The following CLVS1 variants were observed in gnomAD, a reference collection of about 807,000 sequenced individuals.
CLVS1 encodes clavesin 1.
In CLVS1, 10 loss-of-function variants were observed where a neutral mutation model predicts 33.1. The observed-to-expected ratio is 0.30, with a 90% CI of 0.19 to 0.51. The LOEUF is 0.51. Among genes scored for constraint, CLVS1 ranks in the 20% least tolerant of loss-of-function variants. CLVS1 has a pLI of 0.97. For missense variants in CLVS1, 343 were observed against 433.4 expected (o/e 0.79, Z 1.85); for synonymous variants, 163 against 166.1 (o/e 0.98, Z 0.14).
At position 61,327,497 on chromosome 8, in the gene CLVS1, C is replaced by T. The variant is rs553993372; in HGVS notation, c.455+27215C>T. 2.2e-4 allele frequency among the ~76,000 whole-genome samples: 33 copies of T among 152,258 alleles called. No individual in the cohort carries two copies. The South Asian group carries it at 6.4e-3, about 30-fold the overall frequency. On this transcript the variant is annotated intron_variant, in intron 2 of 5. Transcript: ENST00000325897. ...AACGTCTACATATTATCTACTTTCC[C>T]GTCACTAGTTCAGATCATTACATTT...
chr8:61,408,434 C>A (rs578182070), intron 3 of CLVS1, among the ~76,000 whole-genome samples: 16 of 152,286 alleles, frequency 1.1e-4, no homozygotes, highest in African/African-American at 3.9e-4. Context: ...CCCCTAGCTG[C>A]CCAACTCACC....
the CLVS1 span, among the ~76,000 whole-genome samples, chr8:61,007,769 C>A: frequency 6.6e-6 from 1 of 152,138 alleles, no homozygotes; most frequent in Non-Finnish European, 1.5e-5. Context: ...GACACAGTGG[C>A]CATTTAGTGG....
chr8:61,468,735 A>AAAAAAAG (rs1217287345), intron 5 of CLVS1, among the ~76,000 whole-genome samples: 10,684 of 137,756 alleles, frequency 0.078, 806 homozygotes, highest in African/African-American at 0.26. Context: ...AAAAAAAAAA[A>AAAAAAAG]AAAAGGTAGT....
intron 2 of CLVS1, among the ~76,000 whole-genome samples, chr8:61,220,387 T>C (rs1037142404): frequency 6.6e-6 from 1 of 152,208 alleles, no homozygotes; most frequent in African/African-American, 2.4e-5. Flanking sequence ...AGCTAGCCAA[T>C]TTTCCCAGCA....
intron 1 of CLVS1, among the ~76,000 whole-genome samples, chr8:61,094,643 G>A (rs1296846087): frequency 6.6e-6 from 1 of 152,152 alleles, no homozygotes; most frequent in Admixed American, 6.5e-5. Flanking sequence ...TAAAAATGAA[G>A]TTGTATGAGT....
At chr8:61,053,404 A>C (rs899915186), upstream of CLVS1, among the ~76,000 whole-genome samples, 4 of 152,198 alleles carry the variant, frequency 2.6e-5, no homozygotes, top group Non-Finnish European at 5.9e-5. Flanking sequence ...GAGGAAAACC[A>C]ATGCTGTGTG....
Position 61,199,417 on chromosome 8 carries a change from A to G in CLVS1, c.-152+67557A>G, listed in dbSNP as rs184050459. Among the ~76,000 whole-genome samples the G allele has an allele frequency of 1.3e-3, 203 of 152,356 alleles. 1 individual carries two copies. Among genetic ancestry groups the G allele is most frequent in the Middle Eastern group, 3.4e-3 (1 of 294 alleles). The stretch of plus-strand genomic sequence containing the variant: ...AACTCAAACAAATTAGAAAAAAAAT[A>G]CAAATAATTCCATTAAAAATTGGGC... On this transcript the variant is annotated intron_variant, in intron 2 of 2. Coordinates refer to the CLVS1 transcript ENST00000522621.
In CLVS1 at chr8:61,299,765, C is replaced by T; in HGVS notation, c.-63C>T. 1.0e-5 allele frequency: 13 copies of T among 1,260,874 alleles called. No homozygotes were observed. In the South Asian group the frequency reaches 1.8e-4, roughly 18 times the overall value. 78.1% of individuals were successfully genotyped at this position (1,260,874 alleles called of 1,614,324 possible). On this transcript the variant is annotated 5_prime_UTR_variant, in exon 2 of 6. Transcript: ENST00000325897. ...AAAGAAGACCCTCTATTTGTCTGTTCCGGGGCAGCCTGGTAGTAAAACACT... is the reference window on the plus strand; with the variant it reads ...AAAGAAGACCCTCTATTTGTCTGTTTCGGGGCAGCCTGGTAGTAAAACACT...
At chr8:61,296,981 G>A (rs1486551186) in intron 1 of CLVS1, among the ~76,000 whole-genome samples, 2 of 152,146 alleles carry the variant, frequency 1.3e-5, no homozygotes, top group Non-Finnish European at 2.9e-5. Flanking sequence ...CTGAAGGCCA[G>A]GAAGGGTTTC....
intron 2 of CLVS1, among the ~76,000 whole-genome samples, chr8:61,357,338 A>G (rs1409621451): frequency 6.6e-6 from 1 of 152,052 alleles, no homozygotes; most frequent in Non-Finnish European, 1.5e-5. Flanking sequence ...CTGTACCTAT[A>G]TTGATGCATA....
intron 3 of CLVS1, among the ~76,000 whole-genome samples, chr8:61,381,770 C>T (rs1813889802): frequency 6.6e-6 from 1 of 152,142 alleles, no homozygotes; most frequent in African/African-American, 2.4e-5. Flanking sequence ...GACAGGATTT[C>T]ATTCTTTTTT....
chr8:61,372,192 T>C (rs943273556), intron 2 of CLVS1, among the ~76,000 whole-genome samples: 4 of 151,904 alleles, frequency 2.6e-5, no homozygotes, highest in Admixed American at 6.6e-5. Flanking sequence ...CAAAAAAAAT[T>C]TCCCCCTGAG....
intron 2 of CLVS1, among the ~76,000 whole-genome samples, chr8:61,372,467 G>A (rs146821966): frequency 6.6e-6 from 1 of 152,228 alleles, no homozygotes; most frequent in East Asian, 1.9e-4. Context: ...ACAGTACAGA[G>A]ACTTCCCCTA....
intron 1 of CLVS1, among the ~76,000 whole-genome samples, chr8:61,296,500 T>G (rs1810216770): frequency 6.6e-6 from 1 of 152,234 alleles, no homozygotes; most frequent in Non-Finnish European, 1.5e-5. Flanking sequence ...CCTTGTGCTT[T>G]AAGCACTGTG....
intron 2 of CLVS1, among the ~76,000 whole-genome samples, chr8:61,319,021 A>AT (rs1254874207): frequency 6.6e-6 from 1 of 152,060 alleles, no homozygotes; most frequent in Non-Finnish European, 1.5e-5. Flanking sequence ...AAAATATTCT[A>AT]TTTTTTATCT....
chr8:61,394,214 T>C (rs1453018634), intron 3 of CLVS1, among the ~76,000 whole-genome samples: 1 of 152,048 alleles, frequency 6.6e-6, no homozygotes, highest in Non-Finnish European at 1.5e-5. Context: ...ATGCAGGCGG[T>C]TGTTTTCTCC....
intron 1 of CLVS1, among the ~76,000 whole-genome samples, chr8:61,059,620 G>A (rs2129277585): frequency 6.6e-6 from 1 of 151,080 alleles, no homozygotes; most frequent in African/African-American, 2.4e-5. Flanking sequence ...AGACCAGCCT[G>A]CCAATGTGGT....
At chr8:61,005,059 C>A in the CLVS1 span, among the ~76,000 whole-genome samples, 1 of 152,186 alleles carries the variant, frequency 6.6e-6, no homozygotes, top group African/African-American at 2.4e-5. Flanking sequence ...CTGCTGAGTC[C>A]AGAAGCTGGG....
Position 61,499,734 on chromosome 8 carries a change from G to T in CLVS1, c.*192G>T. On this transcript the variant is annotated 3_prime_UTR_variant, in exon 6 of 6. Coordinates refer to ENST00000325897, the MANE Select transcript of CLVS1 (RefSeq NM_173519.3). Reference sequence around the variant, plus strand: ...AAAGTTGGACAAAGACTTGAGAGATGCTTTTTTTTTCCCCCAGTGAGGGGA... The same window carrying T: ...AAAGTTGGACAAAGACTTGAGAGATTCTTTTTTTTTCCCCCAGTGAGGGGA... 2.4e-6 allele frequency: 1 copy of T among 416,420 alleles called. No homozygotes were observed. The allele number at this position is 416,420 out of a possible 1,614,324, so 25.8% of individuals were successfully genotyped here.
Sources: allele counts gnomAD v4.1 joint callset (sites outside exome capture counted in the v4.1 genomes callset), GRCh38; gene constraint gnomAD v4.1.1; transcripts MANE v1.5; gene names NCBI Gene and HGNC (gene_info 2026-07-23, HGNC 2026-07-21).